PECAM1: variants seen among roughly 807,000 people sequenced by gnomAD.
The protein encoded by PECAM1 is platelet endothelial cell adhesion molecule.
In PECAM1, 8 loss-of-function variants were observed where a neutral mutation model predicts 13.8. The observed-to-expected ratio is 0.58, with a 90% CI of 0.34 to 1.05. The LOEUF is 1.05. Among genes scored for constraint, PECAM1 ranks in the 50% least tolerant of loss-of-function variants. The pLI is 0.03. For missense variants in PECAM1, 304 were observed against 141.2 expected (o/e 2.15, Z -5.84); for synonymous variants, 136 against 52.6 (o/e 2.58, Z -6.86).
At chr17:64,325,641 G>A (rs961025025) in intron 15 of PECAM1, among the ~76,000 whole-genome samples, 3 of 152,202 alleles carry the variant, frequency 2.0e-5, no homozygotes, top group Non-Finnish European at 4.4e-5. Context: ...GGAGGCTGAG[G>A]TGGGAGGATC....
chr17:64,329,421 G>A (rs1421241395), intron 15 of PECAM1, among the ~76,000 whole-genome samples: 8 of 152,158 alleles, frequency 5.3e-5, no homozygotes, highest in African/African-American at 1.7e-4. Flanking sequence ...CCTAGACTTT[G>A]GCGTTAAACG....
At chr17:64,370,476 C>T (rs2036215524) in intron 4 of PECAM1, 1 of 152,702 alleles carries the variant, frequency 6.5e-6, no homozygotes, top group Non-Finnish European at 1.5e-5. Context: ...TTTAAATAAT[C>T]GCATGCCTCC....
chr17:64,340,870 C>T (rs907242066), intron 14 of PECAM1, among the ~76,000 whole-genome samples: 3 of 152,062 alleles, frequency 2.0e-5, no homozygotes, highest in African/African-American at 7.2e-5. Flanking sequence ...GGCCGAGGCG[C>T]GCGGATTACC....
chr17:64,341,756 T>C (rs2035436431), intron 13 of PECAM1, 66 bp from the exon 14 acceptor site: 4 of 412,596 alleles, frequency 9.7e-6, no homozygotes, highest in South Asian at 1.3e-4. Flanking sequence ...ACTGCAGTCA[T>C]AGGAAAAGGT....
chr17:64,358,640 C>A (rs1258623201), intron 7 of PECAM1, among the ~76,000 whole-genome samples: 1 of 152,142 alleles, frequency 6.6e-6, no homozygotes, highest in Non-Finnish European at 1.5e-5. Flanking sequence ...CCAAACATGA[C>A]CCCTAACATT....
intron 5 of PECAM1, among the ~76,000 whole-genome samples, chr17:64,368,819 C>T (rs2036168991): frequency 6.8e-6 from 1 of 147,774 alleles, no homozygotes; most frequent in Non-Finnish European, 1.5e-5. Context: ...TGCCACTGCA[C>T]TCCAGCCTGG....
intron 7 of PECAM1, among the ~76,000 whole-genome samples, chr17:64,358,338 C>G (rs1350076900): frequency 5.9e-5 from 9 of 152,014 alleles, no homozygotes; most frequent in Non-Finnish European, 1.5e-5. Context: ...AAGCTAGTCT[C>G]AAACTCCTGG....
chr17:64,373,442 T>C (rs1163126729), intron 4 of PECAM1, among the ~76,000 whole-genome samples: 1 of 152,020 alleles, frequency 6.6e-6, no homozygotes, highest in African/African-American at 2.4e-5. Flanking sequence ...TGGACAAAAG[T>C]CCATAAGATT....
intron 14 of PECAM1, among the ~76,000 whole-genome samples, chr17:64,332,277 A>G (rs1453704990): frequency 1.3e-5 from 2 of 152,196 alleles, no homozygotes; most frequent in African/African-American, 4.8e-5. Context: ...GGTTGAGGAC[A>G]GCACCCCCAA....
chr17:64,340,370 T>C (rs2035394636), intron 14 of PECAM1, among the ~76,000 whole-genome samples: 2 of 152,098 alleles, frequency 1.3e-5, no homozygotes, highest in African/African-American at 4.8e-5. Context: ...TACTGAGTGC[T>C]TAATGAGCCA....
intron 13 of PECAM1, 65 bp downstream of exon 13, chr17:64,348,194 CG>C (rs2035629968): frequency 6.4e-6 from 3 of 470,782 alleles, no homozygotes; most frequent in South Asian, 7.0e-5. Flanking sequence ...ACAGCACCCC[CG>C]CCACCACTGG....
At chr17:64,356,537 T>C (rs1047763595) in intron 7 of PECAM1, 139 bp from the exon 8 acceptor site, 1 of 396,090 alleles carries the variant, frequency 2.5e-6, no homozygotes, top group South Asian at 1.5e-4. Context: ...TGCAGTGGTA[T>C]AATCTCAGCT....
intron 6 of PECAM1, among the ~76,000 whole-genome samples, 167 bp from the exon 7 acceptor site, chr17:64,360,582 CTG>C (rs10589772): frequency 0.033 from 4,538 of 139,170 alleles, 203 homozygotes; most frequent in African/African-American, 0.11. Flanking sequence ...GACTGACAGG[CTG>C]TGTGTGTGTG....
chr17:64,383,144 C>A (rs1264591449), intron 2 of PECAM1, among the ~76,000 whole-genome samples: 1 of 152,232 alleles, frequency 6.6e-6, no homozygotes, highest in Non-Finnish European at 1.5e-5. Context: ...GCTCTCCACA[C>A]GAGTCATTCA....
At position 64,363,336 on chromosome 17, in the gene PECAM1, C is replaced by A; in HGVS notation, c.1029G>T (p.Leu343=). Residue 343 remains leucine (L), a synonymous_variant, in exon 6 of 16, where the codon CTG becomes CTT. Transcript: ENST00000563924. Reference sequence around the variant, plus strand: ...CTCCTGGGATGGAGCAGGACAGGTTCAGTCTTTCACCTTGGTCCAGATGTG... The same window carrying A: ...CTCCTGGGATGGAGCAGGACAGGTTAAGTCTTTCACCTTGGTCCAGATGTG... ...SFTHLDQGER[L]NLSCSIPGAP... The A allele has an allele frequency of 2.1e-6, 1 of 475,344 alleles. No homozygotes were observed. Among genetic ancestry groups the A allele is most frequent in the Non-Finnish European group, 3.9e-6 (1 of 259,068 alleles). 29.4% of individuals were successfully genotyped at this position (475,344 alleles called of 1,614,324 possible). A position where few individuals can be genotyped will look rare whatever the true frequency, so the allele number is the denominator to read the frequency against.
At chr17:64,323,879 A>G in intron 15 of PECAM1, 34 bp from the exon 16 acceptor site, 1 of 792,106 alleles carries the variant, frequency 1.3e-6, no homozygotes, top group South Asian at 1.3e-5. Flanking sequence ...AGTTATGATC[A>G]CACCTCTCAA....
intron 4 of PECAM1, among the ~76,000 whole-genome samples, chr17:64,371,259 A>G (rs983626260): frequency 6.6e-6 from 1 of 152,258 alleles, no homozygotes; most frequent in South Asian, 2.1e-4. Context: ...CAGAACAGGT[A>G]AATTTGACTA....
intron 2 of PECAM1, among the ~76,000 whole-genome samples, chr17:64,387,208 G>A (rs1407597788): frequency 6.6e-6 from 1 of 152,182 alleles, no homozygotes; most frequent in African/African-American, 2.4e-5. Flanking sequence ...GGGAGCCGAG[G>A]GCTGGAAGTG....
intron 13 of PECAM1, among the ~76,000 whole-genome samples, chr17:64,347,273 TTTGG>T (rs2035591135): frequency 6.6e-6 from 1 of 151,880 alleles, no homozygotes; most frequent in Admixed American, 6.6e-5. Context: ...ATCCCAGCAC[TTTGG>T]GAGGCTGAGG....
Sources: allele counts gnomAD v4.1 joint callset (sites outside exome capture counted in the v4.1 genomes callset), GRCh38; gene constraint gnomAD v4.1.1; transcripts MANE v1.5; gene names NCBI Gene and HGNC (gene_info 2026-07-23, HGNC 2026-07-21).